The following SHISA6 variants were observed in gnomAD, a reference collection of about 807,000 sequenced individuals.
SHISA6 encodes protein shisa-6.
Under a neutral mutation model 47.9 loss-of-function variants are expected in SHISA6, and 22 were observed. The ratio of observed to expected loss-of-function variants is 0.46; its 90% CI spans 0.33 to 0.66. The LOEUF (loss-of-function observed/expected upper bound fraction) is 0.66, where lower values mean the gene tolerates loss of function less well. Ranked by LOEUF, SHISA6 falls within the 30% of genes least tolerant of loss-of-function variation. The pLI, the probability that SHISA6 is intolerant of heterozygous loss-of-function variation, is 0.02. For synonymous variants in SHISA6, 388 were observed against 337.8 expected, an observed-to-expected ratio of 1.15 and a Z score of -1.63; for missense variants, 680 against 764.6, an observed-to-expected ratio of 0.89 and a Z score of 1.30.
chr17:11,417,422 CTTT>C (rs1914312962), intron 3 of SHISA6, among the ~76,000 whole-genome samples: 4 of 152,196 alleles, frequency 2.6e-5, no homozygotes, highest in Non-Finnish European at 4.4e-5. Flanking sequence ...GCAATGCACC[CTTT>C]ATTACCACCC....
chr17:11,414,296 T>G (rs1212267696), intron 3 of SHISA6, among the ~76,000 whole-genome samples: 1 of 152,174 alleles, frequency 6.6e-6, no homozygotes, highest in African/African-American at 2.4e-5. Context: ...CATTCTTGAC[T>G]TTGCTAAGAA....
At chr17:11,355,807 AG>A (rs1471630249) in intron 2 of SHISA6, among the ~76,000 whole-genome samples, 2 of 152,222 alleles carry the variant, frequency 1.3e-5, no homozygotes, top group Admixed American at 6.5e-5. Context: ...GTTAGACAGA[AG>A]GGGGAATGCC....
At chr17:11,324,790 C>T (rs559741410) in intron 2 of SHISA6, among the ~76,000 whole-genome samples, 3 of 152,226 alleles carry the variant, frequency 2.0e-5, no homozygotes, top group Admixed American at 1.3e-4. Context: ...CCATGTCATC[C>T]GACCTGTTAT....
intron 4 of SHISA6, 115 bp from the exon 5 acceptor site, chr17:11,555,624 CA>C: frequency 1.6e-6 from 2 of 1,228,994 alleles, no homozygotes; most frequent in Non-Finnish European, 2.2e-6. Flanking sequence ...CACCTATGTC[CA>C]AGCACAGAGG....
At chr17:11,332,296 G>C (rs78361895) in intron 2 of SHISA6, among the ~76,000 whole-genome samples, 339 of 152,152 alleles carry the variant, frequency 2.2e-3, no homozygotes, top group African/African-American at 7.8e-3. Flanking sequence ...AGCTGGGTGA[G>C]TCATCCGTGG....
chr17:11,251,262 G>A (rs1361612243), intron 1 of SHISA6, among the ~76,000 whole-genome samples: 5 of 151,812 alleles, frequency 3.3e-5, no homozygotes, highest in African/African-American at 1.2e-4. Context: ...TGAGGGCTCT[G>A]TGGAACCAGA....
intron 3 of SHISA6, among the ~76,000 whole-genome samples, chr17:11,451,735 G>A (rs1915407705): frequency 6.6e-6 from 1 of 152,178 alleles, no homozygotes; most frequent in Non-Finnish European, 1.5e-5. Flanking sequence ...AAATTGCACA[G>A]AGGCAGGGTG....
At chr17:11,432,002 C>G (rs1403707093) in intron 3 of SHISA6, among the ~76,000 whole-genome samples, 1 of 152,144 alleles carries the variant, frequency 6.6e-6, no homozygotes, top group Non-Finnish European at 1.5e-5. Context: ...GAGTGCTCTT[C>G]AGGTACACTA....
In SHISA6 at chr17:11,466,806, AC is replaced by A. The variant is rs539490997; in HGVS notation, c.896-85088del. Among the ~76,000 whole-genome samples the A allele has an allele frequency of 6.8e-4, 103 of 152,232 alleles. 1 individual carries two copies. The Middle Eastern group carries it at 0.01, about 15-fold the overall frequency. On this transcript the variant is annotated intron_variant, in intron 3 of 5. Coordinates refer to ENST00000441885, the MANE Select transcript of SHISA6 (RefSeq NM_207386.4). ...TCATTGGCAATTGCCTCCCACGGGG[AC>A]CGTTCTCAGCCCGTGTTTTCTTCAG...
intron 3 of SHISA6, among the ~76,000 whole-genome samples, chr17:11,536,369 C>T (rs1003983613): frequency 1.3e-5 from 2 of 152,014 alleles, no homozygotes; most frequent in African/African-American, 4.8e-5. Flanking sequence ...TGGGTAGATG[C>T]AGGTGGTGTG....
chr17:11,330,257 A>G (rs931708083), intron 2 of SHISA6, among the ~76,000 whole-genome samples: 1 of 152,016 alleles, frequency 6.6e-6, no homozygotes, highest in African/African-American at 2.4e-5. Flanking sequence ...GACCTGGAGG[A>G]GGGGGAGACA....
At chr17:11,330,231 C>T (rs1018793690) in intron 2 of SHISA6, among the ~76,000 whole-genome samples, 7 of 152,054 alleles carry the variant, frequency 4.6e-5, no homozygotes, top group African/African-American at 1.4e-4. Flanking sequence ...ACCATGGTCA[C>T]GTGGTTGCCA....
intron 3 of SHISA6, among the ~76,000 whole-genome samples, chr17:11,413,880 C>T (rs561001076): frequency 3.3e-5 from 5 of 152,192 alleles, no homozygotes; most frequent in South Asian, 2.1e-4. Flanking sequence ...GGAGGCGCTG[C>T]GCAGTCACAG....
At chr17:11,542,637 T>C (rs1171056492) in intron 3 of SHISA6, among the ~76,000 whole-genome samples, 1 of 152,064 alleles carries the variant, frequency 6.6e-6, no homozygotes, top group South Asian at 2.1e-4. Flanking sequence ...AAAATTCTTT[T>C]ACCCCGAGAT....
chr17:11,460,596 G>T (rs1013790140), intron 3 of SHISA6, among the ~76,000 whole-genome samples: 2 of 152,130 alleles, frequency 1.3e-5, no homozygotes, highest in African/African-American at 4.8e-5. Context: ...TCTCCATGTT[G>T]GTCAGGCTGG....
intron 3 of SHISA6, among the ~76,000 whole-genome samples, chr17:11,463,214 A>G (rs1307169340): frequency 6.6e-6 from 1 of 152,202 alleles, no homozygotes; most frequent in Non-Finnish European, 1.5e-5. Flanking sequence ...AAGTGGAGAT[A>G]ATAATGGTAC....
intron 1 of SHISA6, among the ~76,000 whole-genome samples, chr17:11,252,484 C>G (rs1907852043): frequency 6.6e-6 from 1 of 152,142 alleles, no homozygotes; most frequent in South Asian, 2.1e-4. Context: ...TTCTGAAAGG[C>G]TTGGCGGAGG....
intron 3 of SHISA6, among the ~76,000 whole-genome samples, chr17:11,515,026 C>A (rs1316292440): frequency 6.6e-6 from 1 of 152,060 alleles, no homozygotes; most frequent in Non-Finnish European, 1.5e-5. Context: ...GCTCATGAAG[C>A]CCTGTGGACT....
chr17:11,281,523 C>A (rs1909119750), intron 2 of SHISA6, among the ~76,000 whole-genome samples: 2 of 152,032 alleles, frequency 1.3e-5, no homozygotes, highest in South Asian at 4.2e-4. Flanking sequence ...AATATCTTAC[C>A]ATTTTTATAT....
Sources: gnomAD v4.1 joint callset for allele counts (sites outside exome capture counted in the v4.1 genomes callset) on GRCh38, gnomAD v4.1.1 for gene constraint, MANE v1.5 for transcripts, NCBI Gene and HGNC (gene_info 2026-07-23, HGNC 2026-07-21) for gene names.